The following CRYBG1 variants were observed in gnomAD, a reference collection of about 807,000 sequenced individuals.
CRYBG1 encodes beta/gamma crystallin domain-containing protein 1.
CRYBG1 carries 139 observed loss-of-function variants against 189.2 expected under a neutral mutation model. The observed-to-expected ratio is 0.73, with a 90% confidence interval of 0.64 to 0.85. The LOEUF is 0.85. CRYBG1 is among the 40% of genes least tolerant of loss of function. The pLI, the probability that CRYBG1 is intolerant of heterozygous loss-of-function variation, is 0.00. For missense variants in CRYBG1, 2,611 were observed against 2,675.8 expected (o/e 0.98, Z 0.53); for synonymous variants, 1,023 against 1,017.1 (o/e 1.01, Z -0.11).
chr6:106,537,511 G>A (rs747360218), intron 8 of CRYBG1, among the ~76,000 whole-genome samples: 15 of 152,114 alleles, frequency 9.9e-5, no homozygotes, highest in South Asian at 8.3e-4. Flanking sequence ...TATTCTTAGC[G>A]TCTGTTTTCT....
chr6:106,372,869 G>A lies in CRYBG1; in HGVS notation c.173+11788G>A, dbSNP rs1770067830. On this transcript the variant is annotated intron_variant, in intron 1 of 21. Coordinates refer to ENST00000633556, the MANE Select transcript of CRYBG1 (RefSeq NM_001371242.2). Reference sequence around the variant, plus strand: ...TTTCTACCTTCATATTTATAACTGAGAAGACAGAACCTGAAAGAAGTATTT... The same window carrying A: ...TTTCTACCTTCATATTTATAACTGAAAAGACAGAACCTGAAAGAAGTATTT... Among the ~76,000 whole-genome samples the A allele has an allele frequency of 3.3e-5, 5 of 152,176 alleles. No individual in the cohort carries two copies. The South Asian group carries it at 1.0e-3, about 32-fold the overall frequency.
chr6:106,416,582 G>A (rs1276312534), intron 1 of CRYBG1, among the ~76,000 whole-genome samples: 1 of 152,222 alleles, frequency 6.6e-6, no homozygotes, highest in African/African-American at 2.4e-5. Flanking sequence ...ATTGCCCAAT[G>A]TTCTCCAATG....
chr6:106,438,776 T>C lies in CRYBG1; in HGVS notation c.174-12918T>C, dbSNP rs370028414. 4.6e-5 allele frequency among the ~76,000 whole-genome samples: 7 copies of C among 152,226 alleles called. No individual in the cohort carries two copies. The East Asian group carries it at 1.3e-3, about 29-fold the overall frequency. On this transcript the variant is annotated intron_variant, in intron 1 of 21. Transcript: ENST00000633556. ...CAAAATGAATAATCCATTGGAATGA[T>C]TCATGTAATGGTTTGATGTCAAATA...
chr6:106,549,808 G>C (rs951872542), intron 13 of CRYBG1, among the ~76,000 whole-genome samples: 1 of 152,020 alleles, frequency 6.6e-6, no homozygotes, highest in Non-Finnish European at 1.5e-5. Flanking sequence ...CTTGATGGCT[G>C]TTCATATTCT....
chr6:106,489,258 C>T (rs1248582622), intron 2 of CRYBG1, among the ~76,000 whole-genome samples: 1 of 152,058 alleles, frequency 6.6e-6, no homozygotes, highest in Non-Finnish European at 1.5e-5. Flanking sequence ...GCAACTTCCT[C>T]AGTCACTCCA....
At chr6:106,433,124 C>T (rs950932424) in intron 1 of CRYBG1, among the ~76,000 whole-genome samples, 1 of 152,140 alleles carries the variant, frequency 6.6e-6, no homozygotes, top group Non-Finnish European at 1.5e-5. Flanking sequence ...CAGGCAGGAG[C>T]CACCATGCCC....
intron 1 of CRYBG1, among the ~76,000 whole-genome samples, chr6:106,438,118 G>A (rs1173529250): frequency 6.6e-6 from 1 of 152,162 alleles, no homozygotes; most frequent in Non-Finnish European, 1.5e-5. Context: ...GCTTTACTAA[G>A]AGACAGCCCA....
At chr6:106,537,805 A>G (rs1774039667) in intron 8 of CRYBG1, among the ~76,000 whole-genome samples, 1 of 152,146 alleles carries the variant, frequency 6.6e-6, no homozygotes, top group Admixed American at 6.5e-5. Context: ...CCTCCTACCC[A>G]TATCCCACAC....
At chr6:106,433,579 T>C (rs1315106227) in intron 1 of CRYBG1, among the ~76,000 whole-genome samples, 1 of 151,884 alleles carries the variant, frequency 6.6e-6, no homozygotes, top group South Asian at 2.1e-4. Context: ...TGTTATAGTA[T>C]AGAGGAAAGT....
rs536035019 is a variant in CRYBG1, at chr6:106,460,073, G to T, written c.312+8241G>T. Among the ~76,000 whole-genome samples the T allele has an allele frequency of 2.9e-4, 44 of 151,978 alleles. 1 individual carries two copies. In the South Asian group the frequency reaches 8.5e-3, roughly 29 times the overall value. On this transcript the variant is annotated intron_variant, in intron 2 of 21. Transcript: ENST00000633556. Reference sequence around the variant, plus strand: ...CAGAGTCGCCCAGGCTGGAAGCTCTGCCTCCCGGGGTCATGCCATTCTCCT... The same window carrying T: ...CAGAGTCGCCCAGGCTGGAAGCTCTTCCTCCCGGGGTCATGCCATTCTCCT...
At chr6:106,515,378 G>A (rs1055031493) in intron 3 of CRYBG1, among the ~76,000 whole-genome samples, 1 of 152,212 alleles carries the variant, frequency 6.6e-6, no homozygotes, top group African/African-American at 2.4e-5. Context: ...AATTTATTCT[G>A]ATCTTCGTGT....
At chr6:106,509,302 CATGTATT>C (rs1452711938) in intron 2 of CRYBG1, among the ~76,000 whole-genome samples, 1 of 152,198 alleles carries the variant, frequency 6.6e-6, no homozygotes, top group African/African-American at 2.4e-5. Context: ...GCTCAGTAAA[CATGTATT>C]ATGATTTAAA....
At chr6:106,382,747 A>G (rs1239307464) in intron 1 of CRYBG1, among the ~76,000 whole-genome samples, 1 of 152,226 alleles carries the variant, frequency 6.6e-6, no homozygotes, top group Non-Finnish European at 1.5e-5. Context: ...GCCAGAATCA[A>G]AAGCCAAGTG....
At chr6:106,445,025 A>G (rs888605860) in intron 1 of CRYBG1, among the ~76,000 whole-genome samples, 1 of 152,208 alleles carries the variant, frequency 6.6e-6, no homozygotes, top group Non-Finnish European at 1.5e-5. Context: ...CAAAGTGCCC[A>G]GGAAGGTGAA....
intron 8 of CRYBG1, among the ~76,000 whole-genome samples, chr6:106,534,300 A>G (rs1773940531): frequency 6.6e-6 from 1 of 152,052 alleles, no homozygotes; most frequent in African/African-American, 2.4e-5. Context: ...ACAATTTATG[A>G]CAGGTTTGTG....
rs768240034 is a variant in CRYBG1 at position 106,519,461 on chromosome 6, C to T, written c.2253C>T (p.Thr751=). The change falls in exon 4 of 22, where the codon ACC becomes ACT. Residue 751 remains threonine, a synonymous_variant. Transcript: ENST00000633556. ...GVLVKETAIE[T]KVTVSEEEIL... is the part of the protein sequence containing the mutation. ...TGGTTAAGGAAACTGCTATAGAAAC[C>T]AAAGTTACCGTCTCGGAAGAAGAGA... 9 of 1,614,034 alleles carry T rather than the reference C, an allele frequency of 5.6e-6. No individual in the cohort carries two copies. The highest frequency in any genetic ancestry group is 6.8e-6 in the Non-Finnish European group (8 of 1,180,020).
rs892469510 is a variant in CRYBG1, at chr6:106,518,614, T to C, written c.1923-517T>C. 3.3e-5 allele frequency among the ~76,000 whole-genome samples: 5 copies of C among 152,106 alleles called. No individual in the cohort carries two copies. The South Asian group carries it at 6.2e-4, about 19-fold the overall frequency. On this transcript the variant is annotated intron_variant, in intron 3 of 21. Coordinates refer to ENST00000633556, the MANE Select transcript of CRYBG1 (RefSeq NM_001371242.2). ...CCCTCATATGCAAGCAAAACACCCA[T>C]TAAAAATAGTTGGTAGTGTACTTAG...
chr6:106,443,802 T>C (rs912746283), intron 1 of CRYBG1, among the ~76,000 whole-genome samples: 3 of 152,220 alleles, frequency 2.0e-5, no homozygotes, highest in Non-Finnish European at 4.4e-5. Context: ...TAATGTGTAA[T>C]AATTGCATCA....
At chr6:106,372,542 G>A (rs527732687) in intron 1 of CRYBG1, among the ~76,000 whole-genome samples, 110 of 152,288 alleles carry the variant, frequency 7.2e-4, no homozygotes, top group Admixed American at 2.2e-3. Context: ...GTGAGCCACC[G>A]TGCCTGGCCT....
Sources: allele counts gnomAD v4.1 joint callset (sites outside exome capture counted in the v4.1 genomes callset), GRCh38; gene constraint gnomAD v4.1.1; transcripts MANE v1.5; gene names NCBI Gene and HGNC (gene_info 2026-07-23, HGNC 2026-07-21).